LSM3: variants seen among roughly 807,000 people sequenced by gnomAD.
LSM3 encodes LSM3 homolog, U6 small nuclear RNA and mRNA degradation associated.
A neutral mutation model predicts 15.4 loss-of-function variants in LSM3; 14 were observed. The ratio of observed to expected loss-of-function variants is 0.91; its 90% CI spans 0.60 to 1.42. LSM3 has a LOEUF of 1.42. Among genes scored for constraint, LSM3 ranks in the 40% most tolerant of loss-of-function variants. The pLI is 0.00. For missense variants in LSM3, 88 were observed against 127.9 expected, an observed-to-expected ratio of 0.69 and a Z score of 1.50; for synonymous variants, 46 against 45.1, an observed-to-expected ratio of 1.02 and a Z score of -0.08.
intron 2 of LSM3, among the ~76,000 whole-genome samples, 195 bp downstream of exon 2, chr3:14,181,865 T>C (rs1264302823): frequency 6.6e-6 from 1 of 152,244 alleles, no homozygotes; most frequent in African/African-American, 2.4e-5. Context: ...GAAATACGTT[T>C]ATTATAGAAC....
chr3:14,186,882 A>G (rs1262370318), intron 3 of LSM3, among the ~76,000 whole-genome samples: 1 of 152,258 alleles, frequency 6.6e-6, no homozygotes, highest in Non-Finnish European at 1.5e-5. Context: ...TTTCAGCTCA[A>G]CTAAGCTTAC....
intron 1 of LSM3, among the ~76,000 whole-genome samples, chr3:14,181,060 T>C (rs1395675204): frequency 3.9e-5 from 6 of 152,086 alleles, no homozygotes; most frequent in East Asian, 1.9e-4. Flanking sequence ...CTACTAAATA[T>C]ATTTATCTTA....
chr3:14,183,242 A>T (rs1697056726), intron 2 of LSM3, among the ~76,000 whole-genome samples: 1 of 152,234 alleles, frequency 6.6e-6, no homozygotes, highest in African/African-American at 2.4e-5. Context: ...GAGCAGGTGA[A>T]CCATGTAACA....
At chr3:14,185,788 G>C (rs1697083045) in intron 3 of LSM3, among the ~76,000 whole-genome samples, 1 of 152,172 alleles carries the variant, frequency 6.6e-6, no homozygotes, top group East Asian at 1.9e-4. Context: ...ACTCATGCAT[G>C]ATTTGGTTAC....
At chr3:14,190,721 T>C (rs1697131678) in intron 3 of LSM3, among the ~76,000 whole-genome samples, 1 of 152,188 alleles carries the variant, frequency 6.6e-6, no homozygotes, top group African/African-American at 2.4e-5. Context: ...AAATATACAA[T>C]CATGTCATCT....
chr3:14,198,163 G>C lies in LSM3; in HGVS notation c.*47G>C. 7.2e-7 allele frequency: 1 copy of C among 1,394,282 alleles called. No individual in the cohort carries two copies. The highest frequency in any genetic ancestry group is 1.0e-6 in the Non-Finnish European group (1 of 982,828). The allele number at this position is 1,394,282 out of a possible 1,614,324, so 86.4% of individuals were successfully genotyped here. A position where few individuals can be genotyped will look rare whatever the true frequency, so the allele number is the denominator to read the frequency against. ...GGAAAACGGGAGACTTTGTACAGTGGCCTCTCTAAAAGTACAAAACATTCA... is the reference window on the plus strand; with the variant it reads ...GGAAAACGGGAGACTTTGTACAGTGCCCTCTCTAAAAGTACAAAACATTCA... On this transcript the variant is annotated 3_prime_UTR_variant, in exon 4 of 4. Coordinates refer to ENST00000306024, the MANE Select transcript of LSM3 (RefSeq NM_014463.3).
intron 3 of LSM3, among the ~76,000 whole-genome samples, chr3:14,186,029 A>G (rs972180208): frequency 7.9e-5 from 12 of 152,054 alleles, no homozygotes; most frequent in Non-Finnish European, 1.8e-4. Flanking sequence ...CTCGTGCCTC[A>G]GCCTCCAAAG....
At chr3:14,189,537 A>G (rs879558086) in intron 3 of LSM3, among the ~76,000 whole-genome samples, 16 of 152,176 alleles carry the variant, frequency 1.1e-4, no homozygotes, top group Admixed American at 8.5e-4. Flanking sequence ...TTTGATTTGC[A>G]TTTCTCTAAT....
chr3:14,179,021 C>A (rs895820411), intron 1 of LSM3, 140 bp downstream of exon 1: 10 of 913,818 alleles, frequency 1.1e-5, no homozygotes, highest in Non-Finnish European at 1.5e-5. Flanking sequence ...CGTAACCCCC[C>A]CTCCGAATTT....
chr3:14,196,031 C>A (rs946711437), intron 3 of LSM3, among the ~76,000 whole-genome samples: 4 of 151,388 alleles, frequency 2.6e-5, no homozygotes, highest in Non-Finnish European at 5.9e-5. Context: ...TGGCTCACTG[C>A]AAGCTCCGCC....
chr3:14,189,489 G>A (rs893860340), intron 3 of LSM3, among the ~76,000 whole-genome samples: 6 of 152,060 alleles, frequency 3.9e-5, no homozygotes, highest in South Asian at 2.1e-4. Flanking sequence ...TTTAATGATC[G>A]CCATTCTAAC....
Position 14,198,026 on chromosome 3 carries a change from T to TC in LSM3, c.229-9dup. 6.2e-7 allele frequency: 1 copy of TC among 1,607,962 alleles called. No individual in the cohort carries two copies. The highest frequency in any genetic ancestry group is 2.2e-5 in the East Asian group (1 of 44,778). ...TGTACAAATATGTTCTGTTTTTTTT[T>TC]CTCTTCTAGTCAACGAAACGGAATA... On this transcript the variant is annotated splice_polypyrimidine_tract_variant and intron_variant, in intron 3 of 3. Coordinates refer to ENST00000306024, the MANE Select transcript of LSM3 (RefSeq NM_014463.3).
chr3:14,180,858 A>T (rs200399276), intron 1 of LSM3, among the ~76,000 whole-genome samples: 2,326 of 34,726 alleles, frequency 0.067, 81 homozygotes, highest in African/African-American at 0.1. Context: ...TTTTTTTTTT[A>T]AAAAAAAAAA....
chr3:14,194,095 G>A (rs1222294545), intron 3 of LSM3, among the ~76,000 whole-genome samples: 2 of 152,238 alleles, frequency 1.3e-5, no homozygotes, highest in Non-Finnish European at 2.9e-5. Context: ...GGAGGCTGCA[G>A]AGCAGCAAAG....
At position 14,180,820 on chromosome 3, in the gene LSM3, C is replaced by CTTTTTTTTTTTTTTTTTTTTTTTTTTTTT. The variant is rs1436714313; in HGVS notation, c.22-740_22-739insTTTTTTTTTTTTTTTTTTTTTTTTTTTTT. On this transcript the variant is annotated intron_variant, in intron 1 of 3. Coordinates refer to ENST00000306024, the MANE Select transcript of LSM3 (RefSeq NM_014463.3). ...TGACTCCAAAGCCAGTGCTTGCTTG[C>CTTTTTTTTTTTTTTTTTTTTTTTTTTTTT]CTTTTTTTTTTTTTTTTTTTTTTTT... Among the ~76,000 whole-genome samples, 5 of 51,398 alleles carry CTTTTTTTTTTTTTTTTTTTTTTTTTTTTT rather than the reference C, an allele frequency of 9.7e-5. 2 individuals are homozygous for CTTTTTTTTTTTTTTTTTTTTTTTTTTTTT. The highest frequency in any genetic ancestry group is 2.3e-4 in the African/African-American group (3 of 13,078). 33.7% of individuals were successfully genotyped at this position (51,398 alleles called of 152,430 possible).
intron 3 of LSM3, among the ~76,000 whole-genome samples, chr3:14,185,705 G>A (rs1453843919): frequency 6.6e-6 from 1 of 152,184 alleles, no homozygotes; most frequent in Non-Finnish European, 1.5e-5. Context: ...ATCTGAAACG[G>A]TAACAGTAAA....
intron 3 of LSM3, among the ~76,000 whole-genome samples, chr3:14,187,295 G>A (rs374767025): frequency 1.3e-5 from 2 of 152,200 alleles, no homozygotes; most frequent in Non-Finnish European, 2.9e-5. Context: ...AAAGGCTACT[G>A]GGGCTGGTTA....
intron 3 of LSM3, among the ~76,000 whole-genome samples, chr3:14,187,226 G>A (rs2733541): frequency 0.48 from 72,560 of 151,944 alleles, 17,460 homozygotes; most frequent in Admixed American, 0.52. Context: ...CTCTGGGTGG[G>A]GTGTCTGTAA....
intron 3 of LSM3, among the ~76,000 whole-genome samples, chr3:14,194,959 T>C (rs1490316758): frequency 6.6e-6 from 1 of 152,028 alleles, no homozygotes; most frequent in African/African-American, 2.4e-5. Flanking sequence ...AAGTATACTC[T>C]GGTGGGCATA....
Sources: gnomAD v4.1 joint callset for allele counts (sites outside exome capture counted in the v4.1 genomes callset) on GRCh38, gnomAD v4.1.1 for gene constraint, MANE v1.5 for transcripts, NCBI Gene and HGNC (gene_info 2026-07-23, HGNC 2026-07-21) for gene names.